Variants in ZBED6 observed in about 807,000 individuals in gnomAD.
ZBED6 encodes the protein zinc finger BED-type containing 6.
ZBED6 carries 40 observed loss-of-function variants against 58.4 expected under a neutral mutation model. The ratio of observed to expected loss-of-function variants is 0.68; its 90% confidence interval spans 0.53 to 0.89. The LOEUF (loss-of-function observed/expected upper bound fraction) is 0.89, where lower values mean the gene tolerates loss of function less well. Among genes scored for constraint, ZBED6 ranks in the 40% least tolerant of loss-of-function variants. The pLI is 0.00. For synonymous variants in ZBED6, 439 were observed against 350.6 expected (o/e 1.25, Z -2.82); for missense variants, 1,057 against 1,003.9 (o/e 1.05, Z -0.71).
At chr1:203,812,540 T>C (rs1485003382) in intron 1 of ZBED6, among the ~76,000 whole-genome samples, 2 of 152,092 alleles carry the variant, frequency 1.3e-5, no homozygotes, top group Admixed American at 6.6e-5. Context: ...CTCACCAGCA[T>C]TTAGTGCTTT....
chr1:203,840,135 C>T (rs1685642727), intron 10 of ZBED6, among the ~76,000 whole-genome samples, 171 bp from the exon 11 acceptor site: 1 of 151,652 alleles, frequency 6.6e-6, no homozygotes. Flanking sequence ...GATGGGGTTT[C>T]ACCATGTTGG....
intron 1 of ZBED6, among the ~76,000 whole-genome samples, chr1:203,807,522 GT>G (rs1245271188): frequency 6.9e-5 from 10 of 144,888 alleles, no homozygotes; most frequent in African/African-American, 1.8e-4. Context: ...TTGTCTTACT[GT>G]TTTTTTTTTG....
intron 13 of ZBED6, 35 bp from the exon 14 acceptor site, chr1:203,849,676 C>G: frequency 6.3e-7 from 1 of 1,599,934 alleles, no homozygotes; most frequent in South Asian, 1.1e-5. Context: ...TTAGAGGTAC[C>G]AGATTTTAAT....
At chr1:203,809,071 C>G (rs1673366841) in intron 1 of ZBED6, among the ~76,000 whole-genome samples, 2 of 151,962 alleles carry the variant, frequency 1.3e-5, no homozygotes, top group Non-Finnish European at 2.9e-5. Context: ...CTCAGGTGAT[C>G]CACCTGTCTC....
exon 1 of ZBED6, chr1:203,797,513 C>T: frequency 1.3e-6 from 2 of 1,485,496 alleles, no homozygotes; most frequent in South Asian, 2.7e-5. Context: ...ATTGTGGAGA[C>T]ATAAAGAGAA....
chr1:203,813,979 T>C (rs1675389677), intron 1 of ZBED6, among the ~76,000 whole-genome samples: 1 of 152,142 alleles, frequency 6.6e-6, no homozygotes, highest in South Asian at 2.1e-4. Context: ...TTGTTTTTTT[T>C]TTTTGCAATA....
chr1:203,832,822 G>A (rs72745774), intron 8 of ZBED6, among the ~76,000 whole-genome samples: 3,240 of 152,308 alleles, frequency 0.021, 53 homozygotes, highest in Non-Finnish European at 0.034. Flanking sequence ...AGTTAACATC[G>A]GAGTAGAGTA....
At chr1:203,830,683 C>T (rs1350077218) in intron 7 of ZBED6, among the ~76,000 whole-genome samples, 1 of 152,116 alleles carries the variant, frequency 6.6e-6, no homozygotes. Flanking sequence ...GTGGCATGCA[C>T]CTGTAGTCCC....
intron 1 of ZBED6, among the ~76,000 whole-genome samples, chr1:203,807,782 C>T (rs528513788): frequency 5.9e-5 from 9 of 152,052 alleles, no homozygotes; most frequent in South Asian, 2.1e-4. Flanking sequence ...TGCTCTGTTG[C>T]GCAGACCAGA....
At chr1:203,799,448 G>A (rs1001557029) in exon 1 of ZBED6, 2 of 703,052 alleles carry the variant, frequency 2.8e-6, no homozygotes, top group Admixed American at 4.0e-5. Flanking sequence ...ATTTGAAGCA[G>A]GACGAAACTG....
At chr1:203,831,810 CT>C in intron 8 of ZBED6, 39 bp downstream of exon 8, 3 of 1,513,752 alleles carry the variant, frequency 2.0e-6, no homozygotes, top group Non-Finnish European at 2.7e-6. Context: ...CAAGCCTCTA[CT>C]TTTATATAAT....
At chr1:203,800,080 T>C in exon 1 of ZBED6, 1 of 1,536,100 alleles carries the variant, frequency 6.5e-7, no homozygotes, top group East Asian at 2.4e-5. Context: ...AATGTTGCCC[T>C]TGGAAGCAAA....
At chr1:203,837,848 C>T (rs756571252) in intron 9 of ZBED6, 118 bp from the exon 10 acceptor site, 37 of 904,828 alleles carry the variant, frequency 4.1e-5, no homozygotes, top group Non-Finnish European at 5.4e-5. Context: ...TGAACAAACA[C>T]GCCATATGTA....
intron 3 of ZBED6, among the ~76,000 whole-genome samples, chr1:203,819,554 G>A (rs1324314876): frequency 1.6e-5 from 1 of 61,298 alleles, no homozygotes; most frequent in African/African-American, 6.6e-5. Context: ...TTTTTTTTGA[G>A]ACAGAGTTTT....
At chr1:203,837,666 C>G (rs1437007836) in intron 9 of ZBED6, among the ~76,000 whole-genome samples, 1 of 151,998 alleles carries the variant, frequency 6.6e-6, no homozygotes, top group East Asian at 1.9e-4. Context: ...GTTTTAGAGA[C>G]AAGGTCTTGC....
chr1:203,848,683 T>G (rs1054114808), intron 13 of ZBED6, among the ~76,000 whole-genome samples: 1 of 152,148 alleles, frequency 6.6e-6, no homozygotes, highest in East Asian at 1.9e-4. Context: ...GTCAGGAGAT[T>G]GAGACCGTCC....
At chr1:203,809,466 G>A (rs970030291) in intron 1 of ZBED6, among the ~76,000 whole-genome samples, 5 of 151,604 alleles carry the variant, frequency 3.3e-5, no homozygotes, top group Non-Finnish European at 5.9e-5. Flanking sequence ...CTGAGCCACC[G>A]CACCCAGCCC....
chr1:203,825,908 T>C (rs1002869925), intron 3 of ZBED6, among the ~76,000 whole-genome samples: 1 of 152,226 alleles, frequency 6.6e-6, no homozygotes, highest in African/African-American at 2.4e-5. Flanking sequence ...GTTGCACATA[T>C]ATTACTTTTC....
rs770163848 is a variant in ZBED6, at chr1:203,799,380, G to A, written c.1858G>A (p.Val620Ile). Reference sequence around the variant, plus strand: ...AACTTGTCATCATTTTAGTCATTCGGTCAAGGCCCGTCAGATACTGCAAGA... The same window carrying A: ...AACTTGTCATCATTTTAGTCATTCGATCAAGGCCCGTCAGATACTGCAAGA... The change falls in exon 1 of 17, where the codon GTC becomes ATC. Residue 620 changes from valine to isoleucine, a missense_variant. Val to Ile is a conservative substitution (Grantham distance 29, BLOSUM62 3). Coordinates refer to ENST00000550078, the Ensembl canonical transcript of ZBED6. 7.4e-5 allele frequency: 52 copies of A among 703,200 alleles called. No homozygotes were observed. The African/African-American group carries it at 8.4e-4, about 11-fold the overall frequency. 43.6% of individuals were successfully genotyped at this position (703,200 alleles called of 1,614,324 possible).
Sources: gnomAD v4.1 joint callset for allele counts (sites outside exome capture counted in the v4.1 genomes callset) on GRCh38, gnomAD v4.1.1 for gene constraint, MANE v1.5 for transcripts, NCBI Gene and HGNC (gene_info 2026-07-23, HGNC 2026-07-21) for gene names.